Variants in NUP62CL observed in about 807,000 individuals in gnomAD.
NUP62CL encodes the protein nucleoporin-62 C-terminal-like protein.
Under a neutral mutation model 15.3 loss-of-function variants are expected in NUP62CL, and 13 were observed. That is an observed-to-expected ratio of 0.85 (90% CI 0.55 to 1.35). NUP62CL has a LOEUF of 1.35. Ranked by LOEUF, NUP62CL falls within the 40% of genes most tolerant of loss-of-function variation. The pLI, the probability that NUP62CL is intolerant of heterozygous loss-of-function variation, is 0.00. For synonymous variants in NUP62CL, 54 were observed against 49.2 expected, an observed-to-expected ratio of 1.10 and a Z score of -0.41; for missense variants, 123 against 130.6, an observed-to-expected ratio of 0.94 and a Z score of 0.28.
At chrX:107,155,389 G>A (rs970726742) in intron 4 of NUP62CL, among the ~76,000 whole-genome samples, 1 of 112,646 alleles carries the variant, frequency 8.9e-6, no homozygotes, top group Non-Finnish European at 1.9e-5. Flanking sequence ...CAACTAAGCA[G>A]TGTGAGTCAG....
chrX:107,185,839 C>G (rs1157271217), intron 2 of NUP62CL, among the ~76,000 whole-genome samples: 1 of 110,124 alleles, frequency 9.1e-6, no homozygotes, highest in Non-Finnish European at 1.9e-5. Flanking sequence ...AAAGTCACTT[C>G]AAAAGTAATG....
intron 4 of NUP62CL, among the ~76,000 whole-genome samples, chrX:107,155,113 G>A (rs1196962228): frequency 9.0e-6 from 1 of 111,499 alleles, no homozygotes; most frequent in Non-Finnish European, 1.9e-5. Context: ...CATGGGGTCA[G>A]CAATGCTCAA....
intron 1 of NUP62CL, 127 bp from the exon 2 acceptor site, chrX:107,193,199 T>C (rs1927285175): frequency 8.9e-6 from 1 of 111,938 alleles, no homozygotes; most frequent in Non-Finnish European, 1.9e-5. Flanking sequence ...GAAGTACCAG[T>C]TTACAATCAT....
chrX:107,172,546 G>A (rs779701247), intron 3 of NUP62CL, among the ~76,000 whole-genome samples: 35 of 111,277 alleles, frequency 3.1e-4, no homozygotes, highest in Admixed American at 5.7e-4. Flanking sequence ...TAATAGCTAC[G>A]GGCAATGGAT....
chrX:107,191,359 A>T (rs1927236607), intron 2 of NUP62CL, among the ~76,000 whole-genome samples: 1 of 108,919 alleles, frequency 9.2e-6, no homozygotes, highest in African/African-American at 3.4e-5. Context: ...AAAAACATTT[A>T]AAAATGTTTT....
At chrX:107,145,386 A>G (rs1925861849) in intron 8 of NUP62CL, among the ~76,000 whole-genome samples, 1 of 111,311 alleles carries the variant, frequency 9.0e-6, no homozygotes, top group Non-Finnish European at 1.9e-5. Flanking sequence ...ATTATATTCC[A>G]TATTTAGGCA....
At chrX:107,158,581 C>T (rs1222128714) in intron 4 of NUP62CL, among the ~76,000 whole-genome samples, 5 of 65,699 alleles carry the variant, frequency 7.6e-5, no homozygotes, top group African/African-American at 3.3e-4. Flanking sequence ...TTGAAACCAA[C>T]GAGAACAAAG....
intron 8 of NUP62CL, chrX:107,131,651 T>A (rs763302899): frequency 3.1e-5 from 18 of 582,689 alleles, no homozygotes; most frequent in Non-Finnish European, 5.3e-5. Context: ...CGCGGCCGAC[T>A]AGCGGGATCT....
At chrX:107,192,569 C>T (rs868637272) in intron 2 of NUP62CL, among the ~76,000 whole-genome samples, 10 of 111,018 alleles carry the variant, frequency 9.0e-5, no homozygotes, top group Middle Eastern at 4.6e-3. Flanking sequence ...TTTGTAGAGA[C>T]GGAGTTTTGC....
intron 7 of NUP62CL, among the ~76,000 whole-genome samples, chrX:107,150,546 A>G (rs1050088056): frequency 8.9e-6 from 1 of 112,554 alleles, no homozygotes; most frequent in Admixed American, 9.4e-5. Context: ...CACCCAGGCT[A>G]GAGCACAGTG....
chrX:107,135,789 G>T (rs766293599), intron 8 of NUP62CL, among the ~76,000 whole-genome samples: 31 of 111,536 alleles, frequency 2.8e-4, no homozygotes, highest in Admixed American at 2.8e-3. Context: ...GTGGTCAACT[G>T]TGGTCAGAAA....
intron 2 of NUP62CL, 46 bp downstream of exon 2, chrX:107,192,983 T>C (rs1569366522): frequency 9.0e-6 from 1 of 111,709 alleles, no homozygotes; most frequent in Non-Finnish European, 1.9e-5. Context: ...AACCCTGTAG[T>C]GGAAGTAGTC....
At chrX:107,177,564 G>A (rs1285569) in intron 2 of NUP62CL, among the ~76,000 whole-genome samples, 40,855 of 110,710 alleles carry the variant, frequency 0.37, 8,129 homozygotes, top group African/African-American at 0.77. Context: ...AGATGTGACT[G>A]CAAGAGAATG....
intron 8 of NUP62CL, among the ~76,000 whole-genome samples, chrX:107,146,088 C>T (rs1925877635): frequency 8.9e-6 from 1 of 111,747 alleles, no homozygotes; most frequent in Admixed American, 9.5e-5. Flanking sequence ...GATCAAGAGG[C>T]ACATAAAGTC....
chrX:107,204,736 T>C (rs1164144486), intron 1 of NUP62CL, among the ~76,000 whole-genome samples: 2 of 85,232 alleles, frequency 2.3e-5, no homozygotes, highest in Non-Finnish European at 4.2e-5. Context: ...TTAAATAAAT[T>C]TTAAATAAAT....
At chrX:107,124,605 A>C (rs1259161196) in intron 8 of NUP62CL, among the ~76,000 whole-genome samples, 4 of 111,134 alleles carry the variant, frequency 3.6e-5, no homozygotes, top group Non-Finnish European at 7.6e-5. Flanking sequence ...TGAGGTGTTA[A>C]CTGCTTTTTG....
At chrX:107,179,844 T>C (rs1926872756) in intron 2 of NUP62CL, among the ~76,000 whole-genome samples, 1 of 112,300 alleles carries the variant, frequency 8.9e-6, no homozygotes, top group Admixed American at 9.4e-5. Flanking sequence ...ACCAACACTA[T>C]TACTGATTTT....
chrX:107,160,717 G>A lies in NUP62CL; in HGVS notation c.195-6471C>T, dbSNP rs10436747. Among the ~76,000 whole-genome samples, 15 of 110,644 alleles carry A rather than the reference G, an allele frequency of 1.4e-4. No individual in the cohort carries two copies. In the South Asian group the frequency reaches 4.7e-3, roughly 34 times the overall value. On this transcript the variant is annotated intron_variant, in intron 4 of 8. Transcript: ENST00000372466. ...AGGCATTACCATTCAGGACATAGGC[G>A]TGGGCAAGGACTTCATGTCCAAAAC...
intron 2 of NUP62CL, among the ~76,000 whole-genome samples, chrX:107,179,897 G>T (rs945442778): frequency 4.5e-5 from 5 of 111,442 alleles, no homozygotes; most frequent in African/African-American, 1.6e-4. Context: ...GTCATATGTT[G>T]CAATAATTCC....
Sources: allele counts gnomAD v4.1 joint callset (sites outside exome capture counted in the v4.1 genomes callset), GRCh38; gene constraint gnomAD v4.1.1; transcripts MANE v1.5; gene names NCBI Gene and HGNC (gene_info 2026-07-23, HGNC 2026-07-21).